The following PER3 variants were observed in gnomAD, a reference collection of about 807,000 sequenced individuals.
PER3 encodes the protein period circadian regulator 3, also known as period circadian protein homolog 3.
A neutral mutation model predicts 127.2 loss-of-function variants in PER3; 107 were observed. The ratio of observed to expected loss-of-function variants is 0.84; its 90% confidence interval spans 0.72 to 0.99. The LOEUF (loss-of-function observed/expected upper bound fraction) is 0.99, where lower values mean the gene tolerates loss of function less well. Ranked by LOEUF, PER3 falls within the 50% of genes least tolerant of loss-of-function variation. The probability of loss-of-function intolerance (pLI) is 0.00; values close to 1 mark genes in which losing one functional copy is unlikely to be tolerated. For synonymous variants in PER3, 618 were observed against 585.8 expected, an observed-to-expected ratio of 1.05 and a Z score of -0.79; for missense variants, 1,560 against 1,525.8, an observed-to-expected ratio of 1.02 and a Z score of -0.37.
At chr1:7,825,235 G>A (rs1464922122) in intron 16 of PER3, among the ~76,000 whole-genome samples, 1 of 151,986 alleles carries the variant, frequency 6.6e-6, no homozygotes, top group East Asian at 1.9e-4. Context: ...CCTCTACAGT[G>A]TCCACCACAA....
chr1:7,793,884 A>G (rs2097133038), intron 5 of PER3, 73 bp from the exon 6 acceptor site: 1 of 1,227,988 alleles, frequency 8.1e-7, no homozygotes, highest in African/African-American at 1.5e-5. Context: ...GTTGTTTGAT[A>G]ATGGTGCAAC....
At chr1:7,805,475 C>T (rs926988295) in intron 10 of PER3, among the ~76,000 whole-genome samples, 9 of 152,164 alleles carry the variant, frequency 5.9e-5, no homozygotes, top group South Asian at 2.1e-4. Flanking sequence ...GGCCCCTCCG[C>T]AGAGCACGTG....
intron 18 of PER3, 23 bp downstream of exon 18, chr1:7,827,838 A>C (rs2097310191): frequency 2.6e-6 from 4 of 1,542,708 alleles, no homozygotes; most frequent in Non-Finnish European, 1.8e-6. Flanking sequence ...CATTTTCAAC[A>C]CTCAAGTGAG....
intron 19 of PER3, among the ~76,000 whole-genome samples, chr1:7,831,003 A>G (rs764133978): frequency 3.9e-4 from 59 of 152,204 alleles, no homozygotes; most frequent in Non-Finnish European, 7.1e-4. Flanking sequence ...TTTCTACAAA[A>G]AAGTCTCGTG....
chr1:7,815,231 T>C (rs1038490969), intron 13 of PER3, among the ~76,000 whole-genome samples: 3 of 152,232 alleles, frequency 2.0e-5, no homozygotes, highest in African/African-American at 7.2e-5. Flanking sequence ...ATGAATCATA[T>C]TCAATCCAGT....
chr1:7,836,750 TAAAAAGAGCTAAGGG>T, intron 20 of PER3: 1 of 321,448 alleles, frequency 3.1e-6, no homozygotes, highest in Non-Finnish European at 5.7e-6. Flanking sequence ...TTGCCCCTTC[TAAAAAGAGCTAAGGG>T]AAATCTCTTT....
Position 7,827,268 on chromosome 1 carries a change from C to T in PER3, c.2339C>T (p.Pro780Leu), listed in dbSNP as rs148764781. Residue 780 changes from proline (P) to leucine (L), a missense_variant, in exon 18 of 22, where the codon CCC (proline) becomes CTC (leucine). Pro to Leu is a moderately conservative substitution (Grantham distance 98, BLOSUM62 -3). Coordinates refer to ENST00000377532, the MANE Select transcript of PER3 (RefSeq NM_001377275.1). ...GAHQNAQPCC[P>L]SAASSPHTSS... is the part of the protein sequence containing the mutation. ...CATCAGAACGCACAGCCCTGCTGCC[C>T]CTCCGCGGCCTCCTCTCCGCACACC... 3.7e-5 allele frequency: 59 copies of T among 1,613,730 alleles called. No homozygotes were observed. Among genetic ancestry groups the T allele is most frequent in the Admixed American group, 2.0e-4 (12 of 59,992 alleles).
chr1:7,806,812 A>AAAATATATATATATATAT (rs61141023), intron 10 of PER3, among the ~76,000 whole-genome samples: 1 of 60,632 alleles, frequency 1.6e-5, no homozygotes, highest in African/African-American at 6.8e-5. Flanking sequence ...AAAAAAAAAA[A>AAAATATATATATATATAT]ATATATATAT....
intron 13 of PER3, among the ~76,000 whole-genome samples, chr1:7,817,369 A>C (rs764834242): frequency 6.6e-6 from 1 of 152,218 alleles, no homozygotes; most frequent in Non-Finnish European, 1.5e-5. Flanking sequence ...TGACAGGCCT[A>C]AACACACGGA....
intron 5 of PER3, among the ~76,000 whole-genome samples, chr1:7,789,912 C>G (rs938947177): frequency 6.6e-6 from 1 of 152,196 alleles, no homozygotes; most frequent in African/African-American, 2.4e-5. Flanking sequence ...TTCTCATCCC[C>G]TTTCCTAAAT....
rs575183819 is a variant in PER3, at chr1:7,832,028, G to A, written c.3214+1867G>A. ...TTTCTGGGCCTGGAGTTTTCTTGGT[G>A]AGGAGGATTTTAACAACAAATTTAA... On this transcript the variant is annotated intron_variant, in intron 19 of 21. Transcript: ENST00000377532. Among the ~76,000 whole-genome samples the A allele has an allele frequency of 2.6e-3, 394 of 152,246 alleles. 2 individuals are homozygous for A. The highest frequency in any genetic ancestry group is 8.9e-3 in the African/African-American group (371 of 41,560).
At chr1:7,833,870 A>G (rs1462046365) in intron 19 of PER3, among the ~76,000 whole-genome samples, 1 of 151,786 alleles carries the variant, frequency 6.6e-6, no homozygotes, top group African/African-American at 2.4e-5. Context: ...GCTTCTAAGC[A>G]TAACTTTTTT....
rs147791338 is a variant in PER3, at chr1:7,830,119, C to T, written c.3172C>T (p.Pro1058Ser). ...TGCCACTGTTCTGTCCACGGGGTCA[C>T]CTCCCAGCGAATCCCCATCCAGAAC... ...PTATVLSTGS[P>S]PSESPSRTGS... is the part of the protein sequence containing the mutation. The change falls in exon 19 of 22, where the codon CCT becomes TCT. Residue 1058 changes from proline to serine, a missense_variant. Pro to Ser is a moderately conservative substitution (Grantham distance 74, BLOSUM62 -1). This residue lies in a region of PER3 where 199 missense variants were observed against 198.6 expected (regional missense o/e 1.00). Coordinates refer to ENST00000377532, the MANE Select transcript of PER3 (RefSeq NM_001377275.1). 47 of 1,614,218 alleles carry T rather than the reference C, an allele frequency of 2.9e-5. 1 individual carries two copies. The African/African-American group carries it at 5.1e-4, about 17-fold the overall frequency.
rs1477955423 is a variant in PER3, at chr1:7,819,350, T to C, written c.1588T>C (p.Cys530Arg). Residue 530 changes from cysteine (C) to arginine (R), a missense_variant, in exon 14 of 22, where the codon TGT (cysteine) becomes CGT (arginine). Cys to Arg is a radical substitution (Grantham distance 180, BLOSUM62 -3). Coordinates refer to ENST00000377532, the MANE Select transcript of PER3 (RefSeq NM_001377275.1). ...LKNNSVYTEP[C>R]EDLRNDEHSP... ...AAACAATAGTGTGTACACTGAGCCCTGTGAGGATTTGAGGAACGATGAGCA... is the reference window on the plus strand; with the variant it reads ...AAACAATAGTGTGTACACTGAGCCCCGTGAGGATTTGAGGAACGATGAGCA... 5 of 1,613,674 alleles carry C rather than the reference T, an allele frequency of 3.1e-6. No homozygotes were observed. Among genetic ancestry groups the C allele is most frequent in the Non-Finnish European group, 3.4e-6 (4 of 1,179,592 alleles).
chr1:7,832,122 CA>C (rs2097333962), intron 19 of PER3, among the ~76,000 whole-genome samples: 1 of 152,044 alleles, frequency 6.6e-6, no homozygotes, highest in Non-Finnish European at 1.5e-5. Context: ...TTGTATCTTT[CA>C]AGAAATGTAT....
chr1:7,826,725 A>G lies in PER3; in HGVS notation c.2188+15A>G. The G allele has an allele frequency of 7.0e-7, 1 of 1,437,632 alleles. No individual in the cohort carries two copies. The highest frequency in any genetic ancestry group is 9.8e-7 in the Non-Finnish European group (1 of 1,020,298). The allele number at this position is 1,437,632 out of a possible 1,614,324, so 89.1% of individuals were successfully genotyped here. A position where few individuals can be genotyped will look rare whatever the true frequency, so the allele number is the denominator to read the frequency against. ...ATATTTTCAAGGTACGTAATTTTTT[A>G]AAAATAAATGCCATTAATCTATGTA... On this transcript the variant is annotated intron_variant, in intron 17 of 21. Transcript: ENST00000377532. The surrounding 1 kb of genome is among the most constrained non-coding windows in gnomAD (Gnocchi z 4.2).
At chr1:7,804,273 A>G (rs1466146254) in intron 10 of PER3, among the ~76,000 whole-genome samples, 2 of 151,920 alleles carry the variant, frequency 1.3e-5, no homozygotes, top group Non-Finnish European at 2.9e-5. Context: ...AATTTTGGTT[A>G]AGTGTAGGTA....
At chr1:7,808,231 T>TCAAAAAAA (rs1452402493) in intron 10 of PER3, among the ~76,000 whole-genome samples, 2 of 30,872 alleles carry the variant, frequency 6.5e-5, no homozygotes, top group Non-Finnish European at 1.3e-4. Flanking sequence ...AGACTCTGTC[T>TCAAAAAAA]CAAAAAAAAA....
chr1:7,838,937 T>C (rs575170047), intron 21 of PER3, among the ~76,000 whole-genome samples: 189 of 152,046 alleles, frequency 1.2e-3, no homozygotes, highest in African/African-American at 4.4e-3. Context: ...CCATTTACAT[T>C]TAAAGTAATT....
Sources: allele counts gnomAD v4.1 joint callset (sites outside exome capture counted in the v4.1 genomes callset), GRCh38; gene constraint gnomAD v4.1.1; regional missense constraint gnomAD v4.1.1; non-coding constraint Gnocchi (gnomAD v3.1); transcripts MANE v1.5; gene names NCBI Gene and HGNC (gene_info 2026-07-23, HGNC 2026-07-21).